Variants in SORCS1 observed in about 807,000 individuals in gnomAD.
SORCS1 encodes the protein sortilin related VPS10 domain containing receptor 1, also known as VPS10 domain-containing receptor SorCS1.
A neutral mutation model predicts 146.1 loss-of-function variants in SORCS1; 60 were observed. The ratio of observed to expected loss-of-function variants is 0.41; its 90% CI spans 0.33 to 0.51. The LOEUF (loss-of-function observed/expected upper bound fraction) is 0.51, where lower values mean the gene tolerates loss of function less well. SORCS1 is among the 20% of genes least tolerant of loss of function. The probability of loss-of-function intolerance (pLI) is 0.21; values close to 1 mark genes in which losing one functional copy is unlikely to be tolerated. For missense variants in SORCS1, 1,352 were observed against 1,487.6 expected, an observed-to-expected ratio of 0.91 and a Z score of 1.50; for synonymous variants, 637 against 584.0, an observed-to-expected ratio of 1.09 and a Z score of -1.31.
chr10:106,650,080 T>C (rs1849747507), intron 18 of SORCS1, among the ~76,000 whole-genome samples: 7 of 152,134 alleles, frequency 4.6e-5, no homozygotes, highest in Admixed American at 4.6e-4. Flanking sequence ...TTTCTGTTTT[T>C]CCCCCCTCTT....
intron 2 of SORCS1, among the ~76,000 whole-genome samples, chr10:106,940,686 C>T (rs1953994397): frequency 6.6e-6 from 1 of 152,114 alleles, no homozygotes; most frequent in African/African-American, 2.4e-5. Context: ...GAGTTCCAGA[C>T]CAACCTGGCC....
chr10:107,113,343 T>G (rs750544032), intron 1 of SORCS1, among the ~76,000 whole-genome samples: 2 of 152,112 alleles, frequency 1.3e-5, no homozygotes, highest in Non-Finnish European at 2.9e-5. Context: ...ATTTCTGAGA[T>G]GCAGCAAAAC....
chr10:107,033,935 G>A (rs1289050568), intron 1 of SORCS1, among the ~76,000 whole-genome samples: 4 of 152,164 alleles, frequency 2.6e-5, no homozygotes, highest in Admixed American at 2.6e-4. Flanking sequence ...GTTAAGCAAG[G>A]CAGCTGCATG....
At chr10:106,769,933 A>C (rs1859883528) in intron 4 of SORCS1, among the ~76,000 whole-genome samples, 1 of 152,126 alleles carries the variant, frequency 6.6e-6, no homozygotes, top group Non-Finnish European at 1.5e-5. Flanking sequence ...TCTACTAAAA[A>C]AATGCAAAAA....
At chr10:106,611,835 G>T (rs1847011875) in intron 22 of SORCS1, 76 bp downstream of exon 22, 3 of 1,123,472 alleles carry the variant, frequency 2.7e-6, no homozygotes, top group South Asian at 2.6e-5. Flanking sequence ...TTTGTACAAA[G>T]CTCCCCTTTC....
intron 1 of SORCS1, among the ~76,000 whole-genome samples, chr10:107,016,859 C>A (rs556055673): frequency 6.6e-6 from 1 of 151,980 alleles, no homozygotes; most frequent in Admixed American, 6.6e-5. Context: ...AAAAAGAGGG[C>A]GAACACAAGA....
In SORCS1 at chr10:106,629,408, C is replaced by A; in HGVS notation, c.2476-20G>T. 1 of 1,612,306 alleles carries A rather than the reference C, an allele frequency of 6.2e-7. No individual in the cohort carries two copies. Among genetic ancestry groups the A allele is most frequent in the South Asian group, 1.1e-5 (1 of 90,780 alleles). ...ATCACCCTGAAAAACAACCCAACAT[C>A]AGAGGAAATGAGTTAGTATTCGGCT... On this transcript the variant is annotated intron_variant, in intron 18 of 25. Coordinates refer to ENST00000263054, the MANE Select transcript of SORCS1 (RefSeq NM_052918.5).
intron 21 of SORCS1, among the ~76,000 whole-genome samples, chr10:106,615,690 A>T (rs911576): frequency 6.6e-6 from 1 of 152,116 alleles, no homozygotes; most frequent in South Asian, 2.1e-4. Flanking sequence ...TCAACTGACC[A>T]AAGACAAATT....
At chr10:107,180,093 T>G in the SORCS1 span, among the ~76,000 whole-genome samples, 35 of 151,902 alleles carry the variant, frequency 2.3e-4, no homozygotes, top group African/African-American at 7.7e-4. Flanking sequence ...ACTTGTTGTT[T>G]TTTATAGAGA....
chr10:106,786,229 T>A (rs1009034562), intron 3 of SORCS1, among the ~76,000 whole-genome samples: 13 of 152,332 alleles, frequency 8.5e-5, no homozygotes, highest in African/African-American at 2.6e-4. Flanking sequence ...TTGTTTTGTT[T>A]AAGATTTTGT....
At chr10:107,108,177 G>C (rs1023950536) in intron 1 of SORCS1, among the ~76,000 whole-genome samples, 2 of 152,150 alleles carry the variant, frequency 1.3e-5, no homozygotes, top group South Asian at 2.1e-4. Context: ...TATGATCCTA[G>C]AGACAGGACT....
intron 2 of SORCS1, among the ~76,000 whole-genome samples, chr10:106,910,270 C>T (rs1952082199): frequency 6.7e-6 from 1 of 148,494 alleles, no homozygotes; most frequent in African/African-American, 2.5e-5. Flanking sequence ...TTCTATGCCT[C>T]CGTCTCTTTA....
intron 1 of SORCS1, among the ~76,000 whole-genome samples, chr10:107,065,411 TTTCTTTTC>T (rs1961658830): frequency 9.2e-6 from 1 of 108,308 alleles, no homozygotes; most frequent in South Asian, 3.3e-4. Flanking sequence ...TCTTTCTCTC[TTTCTTTTC>T]TTTCTTTCTT....
chr10:107,007,034 C>A (rs1199689190), intron 1 of SORCS1, among the ~76,000 whole-genome samples: 2 of 152,184 alleles, frequency 1.3e-5, no homozygotes, highest in Non-Finnish European at 2.9e-5. Flanking sequence ...CCCGACTAGA[C>A]CTACGCTTAG....
chr10:107,037,374 G>A (rs538495062), intron 1 of SORCS1, among the ~76,000 whole-genome samples: 5 of 152,340 alleles, frequency 3.3e-5, no homozygotes, highest in South Asian at 4.1e-4. Context: ...GCAGGCTACC[G>A]CAAGCTCCTG....
chr10:106,643,391 C>T (rs533025481), intron 18 of SORCS1, among the ~76,000 whole-genome samples: 43 of 152,334 alleles, frequency 2.8e-4, no homozygotes, highest in South Asian at 1.4e-3. Context: ...TTGCCAATCA[C>T]GTGCACCTCC....
intron 10 of SORCS1, among the ~76,000 whole-genome samples, chr10:106,684,793 T>G (rs1191679881): frequency 6.6e-6 from 1 of 152,206 alleles, no homozygotes; most frequent in African/African-American, 2.4e-5. Flanking sequence ...CGAAATCACT[T>G]TTTATCTCAT....
intron 1 of SORCS1, among the ~76,000 whole-genome samples, chr10:107,035,505 T>G (rs954269941): frequency 1.3e-5 from 2 of 152,180 alleles, no homozygotes; most frequent in Admixed American, 6.5e-5. Flanking sequence ...AAAACTCTCA[T>G]ATTTATCATT....
intron 4 of SORCS1, among the ~76,000 whole-genome samples, chr10:106,763,121 G>A (rs1859272205): frequency 6.6e-6 from 1 of 152,124 alleles, no homozygotes; most frequent in African/African-American, 2.4e-5. Flanking sequence ...TAATGCAAAT[G>A]TAAAAGTATC....
Sources: allele counts gnomAD v4.1 joint callset (sites outside exome capture counted in the v4.1 genomes callset), GRCh38; gene constraint gnomAD v4.1.1; transcripts MANE v1.5; gene names NCBI Gene and HGNC (gene_info 2026-07-23, HGNC 2026-07-21).